Variants in MYO16 observed in about 807,000 individuals in gnomAD.
The protein encoded by MYO16 is myosin XVI.
A neutral mutation model predicts 205.3 loss-of-function variants in MYO16; 94 were observed. The ratio of observed to expected loss-of-function variants is 0.46; its 90% confidence interval spans 0.39 to 0.54. MYO16 has a LOEUF of 0.54. Ranked by LOEUF, MYO16 falls within the 20% of genes least tolerant of loss-of-function variation. The pLI, the probability that MYO16 is intolerant of heterozygous loss-of-function variation, is 0.00. For synonymous variants in MYO16, 988 were observed against 954.0 expected (o/e 1.04, Z -0.66); for missense variants, 2,315 against 2,387.5 (o/e 0.97, Z 0.63).
At chr13:108,678,079 A>C (rs1198539772) in intron 2 of MYO16, among the ~76,000 whole-genome samples, 1 of 152,244 alleles carries the variant, frequency 6.6e-6, no homozygotes, top group Non-Finnish European at 1.5e-5. Context: ...GTACACACAG[A>C]AGTAAAATGT....
rs1379427401 is a variant in MYO16 at position 108,888,429 on chromosome 13, C to T, written c.1611C>T (p.Thr537=). Residue 537 remains threonine, a synonymous_variant, in exon 14 of 35, where the codon ACC becomes ACT. Coordinates refer to ENST00000457511, the MANE Select transcript of MYO16 (RefSeq NM_001198950.3). ...EASKQIIRHL[T]CRAGASRATL... ...GCAAACAAATCATAAGACACCTCAC[C>T]TGCAGGGCTGGCGCCAGCAGGGCCA... 3.1e-6 allele frequency: 5 copies of T among 1,612,216 alleles called. No individual in the cohort carries two copies. In the African/African-American group the frequency reaches 6.7e-5, roughly 22 times the overall value.
At chr13:108,899,636 C>G (rs955290953) in intron 15 of MYO16, among the ~76,000 whole-genome samples, 1 of 152,118 alleles carries the variant, frequency 6.6e-6, no homozygotes, top group African/African-American at 2.4e-5. Context: ...TTTCCTAACA[C>G]CTGGCTGGGT....
intron 3 of MYO16, among the ~76,000 whole-genome samples, chr13:108,717,521 T>C (rs1883992856): frequency 1.3e-5 from 2 of 150,908 alleles, no homozygotes; most frequent in African/African-American, 4.9e-5. Context: ...TCCCAGCTAC[T>C]TGGGAGGCTG....
chr13:108,869,095 T>C (rs929347697), intron 12 of MYO16, among the ~76,000 whole-genome samples: 1 of 152,194 alleles, frequency 6.6e-6, no homozygotes, highest in Non-Finnish European at 1.5e-5. Context: ...GCCCTAGCAA[T>C]TAATTACTGG....
rs377194948 is a variant in MYO16 at position 109,099,560 on chromosome 13, A to G, written c.3336-1225A>G. Among the ~76,000 whole-genome samples the G allele has an allele frequency of 5.9e-5, 9 of 152,174 alleles. 1 individual carries two copies. Among genetic ancestry groups the G allele is most frequent in the Admixed American group, 6.5e-5 (1 of 15,276 alleles). On this transcript the variant is annotated intron_variant, in intron 27 of 34. Transcript: ENST00000457511. ...GACTTAATCACCTGTCAAAGGCCCCACCTCTTAATATCATCATATTGGGGG... is the reference window on the plus strand; with the variant it reads ...GACTTAATCACCTGTCAAAGGCCCCGCCTCTTAATATCATCATATTGGGGG...
intron 1 of MYO16, among the ~76,000 whole-genome samples, chr13:108,664,086 G>T (rs921718329): frequency 9.2e-5 from 14 of 152,264 alleles, no homozygotes; most frequent in African/African-American, 3.4e-4. Context: ...AACCACTGTT[G>T]TCTATTTGCG....
At chr13:108,763,210 A>C (rs941335072) in intron 4 of MYO16, among the ~76,000 whole-genome samples, 1 of 152,206 alleles carries the variant, frequency 6.6e-6, no homozygotes, top group Non-Finnish European at 1.5e-5. Flanking sequence ...TGTCTTAAAC[A>C]TTGATATACT....
At chr13:109,018,297 A>G (rs1160515806) in intron 22 of MYO16, among the ~76,000 whole-genome samples, 1 of 152,316 alleles carries the variant, frequency 6.6e-6, no homozygotes, top group South Asian at 2.1e-4. Context: ...CACCAGCAGC[A>G]GCTGCAGAAC....
chr13:109,165,608 C>T (rs968900291), intron 33 of MYO16, among the ~76,000 whole-genome samples: 2 of 152,158 alleles, frequency 1.3e-5, no homozygotes, highest in African/African-American at 4.8e-5. Flanking sequence ...GGGCCTCCCG[C>T]AGGGCTGGGA....
intron 2 of MYO16, among the ~76,000 whole-genome samples, chr13:108,669,310 C>T (rs1402661005): frequency 1.3e-5 from 2 of 151,918 alleles, no homozygotes; most frequent in African/African-American, 4.8e-5. Context: ...CTGACCATTG[C>T]ATTTAGGAGT....
chr13:108,739,193 T>G (rs1319182953), intron 4 of MYO16, among the ~76,000 whole-genome samples: 1 of 152,196 alleles, frequency 6.6e-6, no homozygotes, highest in Admixed American at 6.5e-5. Flanking sequence ...GTTAGCTGGT[T>G]ATTTTGCTCA....
At chr13:108,983,874 A>C (rs571896267) in intron 20 of MYO16, among the ~76,000 whole-genome samples, 2 of 152,186 alleles carry the variant, frequency 1.3e-5, no homozygotes, top group East Asian at 1.9e-4. Flanking sequence ...GTCCTCCCTC[A>C]CCTCTCATTA....
chr13:108,686,334 A>G (rs1882674920), intron 2 of MYO16, among the ~76,000 whole-genome samples: 1 of 152,246 alleles, frequency 6.6e-6, no homozygotes. Context: ...TTCCATGTGC[A>G]GTGCAATCCT....
intron 16 of MYO16, among the ~76,000 whole-genome samples, chr13:108,946,113 T>C (rs1882929255): frequency 1.3e-5 from 2 of 152,176 alleles, no homozygotes; most frequent in African/African-American, 4.8e-5. Flanking sequence ...TAAATTTCTG[T>C]TTGTCAGTAT....
intron 15 of MYO16, among the ~76,000 whole-genome samples, chr13:108,908,987 A>AAATAAATAAAT (rs1555311597): frequency 1.3e-5 from 2 of 148,840 alleles, no homozygotes; most frequent in African/African-American, 4.9e-5. Flanking sequence ...AAAATAAAAT[A>AAATAAATAAAT]AAATAAATAA....
At chr13:108,584,584 G>C in the MYO16 span, among the ~76,000 whole-genome samples, 2 of 152,070 alleles carry the variant, frequency 1.3e-5, no homozygotes, top group East Asian at 3.9e-4. Context: ...CCATCTTGCT[G>C]TGTGTTTGTG....
At chr13:108,640,052 G>C (rs993593270) in intron 1 of MYO16, among the ~76,000 whole-genome samples, 1 of 152,190 alleles carries the variant, frequency 6.6e-6, no homozygotes, top group Admixed American at 6.5e-5. Context: ...GCTCAGGTGA[G>C]AGATGCCTAT....
intron 1 of MYO16, among the ~76,000 whole-genome samples, chr13:108,638,907 G>A (rs1422476872): frequency 1.3e-5 from 2 of 152,162 alleles, no homozygotes; most frequent in Admixed American, 1.3e-4. Flanking sequence ...ATTTCAGGAT[G>A]AGGAGGCATT....
intron 2 of MYO16, 59 bp downstream of exon 2, chr13:108,666,208 T>G: frequency 6.7e-7 from 1 of 1,503,652 alleles, no homozygotes; most frequent in Non-Finnish European, 8.9e-7. Context: ...TTGATTTTTG[T>G]TGGTTTGTTG....
Sources: gnomAD v4.1 joint callset for allele counts (sites outside exome capture counted in the v4.1 genomes callset) on GRCh38, gnomAD v4.1.1 for gene constraint, MANE v1.5 for transcripts, NCBI Gene and HGNC (gene_info 2026-07-23, HGNC 2026-07-21) for gene names.